The following RXRG variants were observed in gnomAD, a reference collection of about 807,000 sequenced individuals.
RXRG encodes retinoic acid receptor RXR-gamma.
Under a neutral mutation model 49.2 loss-of-function variants are expected in RXRG, and 19 were observed. That is an observed-to-expected ratio of 0.39 (90% CI 0.27 to 0.57). The LOEUF (loss-of-function observed/expected upper bound fraction) is 0.57. Among genes scored for constraint, RXRG ranks in the 20% least tolerant of loss-of-function variants. The pLI is 0.64. For synonymous variants in RXRG, 224 were observed against 216.6 expected (o/e 1.03, Z -0.30); for missense variants, 452 against 592.5 (o/e 0.76, Z 2.46).
rs1262135587 is a variant in RXRG at position 165,409,604 on chromosome 1, G to C, written c.1000C>G (p.His334Asp). 1 of 1,572,614 alleles carries C rather than the reference G, an allele frequency of 6.4e-7. No homozygotes were observed. The change falls in exon 7 of 10, where the codon CAC (histidine) becomes GAC (aspartate). Residue 334 changes from histidine to aspartate, a missense_variant. Coordinates refer to ENST00000359842, the MANE Select transcript of RXRG (RefSeq NM_006917.5). The stretch of plus-strand genomic sequence containing the variant: ...CCAGCACTGTGGGCACTGCTCCGGT[G>C]GACATGTAAACCCGTGGCCAGAAGG... The part of the protein sequence containing the change: ...GILLATGLHV[H>D]RSSAHSAGVG...
chr1:165,436,879 C>A (rs1658830882), intron 1 of RXRG: 3 of 1,095,416 alleles, frequency 2.7e-6, no homozygotes, highest in Admixed American at 9.1e-5. Flanking sequence ...AGATCAATCC[C>A]AAACTCCTGG....
chr1:165,408,645 G>T (rs147535512), intron 7 of RXRG, among the ~76,000 whole-genome samples: 1 of 152,152 alleles, frequency 6.6e-6, no homozygotes, highest in Non-Finnish European at 1.5e-5. Context: ...AATTAGAAAC[G>T]CAACAGGCAC....
intron 6 of RXRG, among the ~76,000 whole-genome samples, chr1:165,410,026 G>C (rs1011461569): frequency 6.6e-6 from 1 of 152,114 alleles, no homozygotes; most frequent in Non-Finnish European, 1.5e-5. Flanking sequence ...TGCCATGGTG[G>C]ATAAAGCTAA....
At position 165,419,934 on chromosome 1, in the gene RXRG, G is replaced by A. The variant is rs1168957429; in HGVS notation, c.378C>T (p.Tyr126=). ...CCAGAGATCCGGGGCTGGTGGATGG[G>A]TAGTTCATGTTTCCAATCCCGGGAA... The part of the protein sequence containing the change: ...PGLPGIGNMN[Y]PSTSPGSLVK... Residue 126 remains tyrosine (Y), a synonymous_variant, in exon 3 of 10, where the codon TAC becomes TAT. Transcript: ENST00000359842. The A allele has an allele frequency of 2.5e-6, 4 of 1,613,576 alleles. No homozygotes were observed. Among genetic ancestry groups the A allele is most frequent in the East Asian group, 4.5e-5 (2 of 44,864 alleles).
In RXRG at chr1:165,406,913, G is replaced by A; in HGVS notation, c.1143C>T (p.Ala381=). The change falls in exon 9 of 10, where the codon GCC becomes GCT. Residue 381 remains alanine, a synonymous_variant. Coordinates refer to ENST00000359842, the MANE Select transcript of RXRG (RefSeq NM_006917.5). ...LRAIVLFNPD[A]KGLSNPSEVE... is the part of the protein sequence containing the mutation. ...CCTCAGAGGGGTTGGACAGGCCCTT[G>A]GCATCTAAAAGACATGACTGAGTTA... is the stretch of plus-strand genomic sequence containing the variant. The A allele has an allele frequency of 6.2e-7, 1 of 1,612,154 alleles. No individual in the cohort carries two copies. The highest frequency in any genetic ancestry group is 2.2e-5 in the East Asian group (1 of 44,858).
At chr1:165,438,056 CT>C (rs1658867542) in intron 1 of RXRG, among the ~76,000 whole-genome samples, 1 of 152,166 alleles carries the variant, frequency 6.6e-6, no homozygotes, top group African/African-American at 2.4e-5. Context: ...TAATTTCCGC[CT>C]TACGGACTAC....
chr1:165,409,485 ATG>A (rs1557910912), intron 7 of RXRG, 71 bp downstream of exon 7: 3 of 1,208,614 alleles, frequency 2.5e-6, no homozygotes, highest in East Asian at 6.6e-5. Flanking sequence ...GTATGTACAC[ATG>A]TGTATACACA....
intron 3 of RXRG, among the ~76,000 whole-genome samples, chr1:165,419,396 CTT>C (rs565597851): frequency 6.8e-6 from 1 of 146,194 alleles, no homozygotes. Context: ...ATTCTTAATA[CTT>C]TTTTTTTTTT....
At chr1:165,402,080 T>C (rs567969125) in intron 9 of RXRG, among the ~76,000 whole-genome samples, 5 of 147,384 alleles carry the variant, frequency 3.4e-5, no homozygotes, top group African/African-American at 1.0e-4. Context: ...TTGTAACCAA[T>C]TGTTACCAAT....
chr1:165,430,987 A>G (rs535689418), intron 1 of RXRG, among the ~76,000 whole-genome samples: 1 of 152,286 alleles, frequency 6.6e-6, no homozygotes, highest in South Asian at 2.1e-4. Context: ...TTTATTTCCT[A>G]AAACTGTCTG....
At chr1:165,424,775 C>T (rs1057457897) in intron 2 of RXRG, 13 of 985,392 alleles carry the variant, frequency 1.3e-5, no homozygotes, top group African/African-American at 1.7e-5. Context: ...ACAGAATGAA[C>T]ATGCTTCCAT....
At chr1:165,406,594 C>T (rs1657757635) in intron 9 of RXRG, among the ~76,000 whole-genome samples, 1 of 152,186 alleles carries the variant, frequency 6.6e-6, no homozygotes, top group Non-Finnish European at 1.5e-5. Flanking sequence ...ATGTGTCGGG[C>T]ACTATTTTAC....
intron 1 of RXRG, among the ~76,000 whole-genome samples, chr1:165,433,866 T>C (rs1230508349): frequency 6.6e-6 from 1 of 152,170 alleles, no homozygotes; most frequent in African/African-American, 2.4e-5. Context: ...GCTAAGAGTG[T>C]CACCAGGAGC....
At chr1:165,408,131 T>G in intron 8 of RXRG, 96 bp downstream of exon 8, 2 of 917,492 alleles carry the variant, frequency 2.2e-6, no homozygotes, top group South Asian at 2.7e-5. Context: ...CATCTGTGTC[T>G]CAGCTGAGAT....
chr1:165,418,433 T>C (rs1156908175), intron 3 of RXRG, among the ~76,000 whole-genome samples: 2 of 152,256 alleles, frequency 1.3e-5, no homozygotes, highest in Non-Finnish European at 2.9e-5. Flanking sequence ...TAATATGTGA[T>C]GTCATTGAGT....
intron 2 of RXRG, among the ~76,000 whole-genome samples, chr1:165,421,531 T>C (rs77108103): frequency 5.4e-4 from 1 of 1,856 alleles, no homozygotes; most frequent in Non-Finnish European, 2.6e-3. Context: ...TGGCATTTCT[T>C]TTTTTTTTTT....
chr1:165,433,223 G>A (rs10918180), intron 1 of RXRG, among the ~76,000 whole-genome samples: 15 of 151,878 alleles, frequency 9.9e-5, no homozygotes, highest in African/African-American at 9.7e-5. Flanking sequence ...ACACGAACCC[G>A]CTCGTGCCTT....
chr1:165,411,862 T>G (rs1657962357), intron 4 of RXRG, among the ~76,000 whole-genome samples: 1 of 152,234 alleles, frequency 6.6e-6, no homozygotes, highest in African/African-American at 2.4e-5. Context: ...CCCCCTCCAA[T>G]TCTATGCTCT....
In RXRG at chr1:165,408,237, G is replaced by T; in HGVS notation, c.1128C>A (p.Leu376=). The change falls in exon 8 of 10, where the codon CTC becomes CTA. Residue 376 remains leucine (L), a synonymous_variant. Transcript: ENST00000359842. ...TTGAAGGGCGGTTACCTGGGTTAAAGAGTACAATGGCTCGCAGGCATCCCA... is the reference window on the plus strand; with the variant it reads ...TTGAAGGGCGGTTACCTGGGTTAAATAGTACAATGGCTCGCAGGCATCCCA... The part of the protein sequence containing the change: ...SELGCLRAIV[L]FNPDAKGLSN... 2.5e-6 allele frequency: 4 copies of T among 1,613,748 alleles called. No homozygotes were observed. Among genetic ancestry groups the T allele is most frequent in the Non-Finnish European group, 3.4e-6 (4 of 1,179,672 alleles).
Sources: gnomAD v4.1 joint callset for allele counts (sites outside exome capture counted in the v4.1 genomes callset) on GRCh38, gnomAD v4.1.1 for gene constraint, MANE v1.5 for transcripts, NCBI Gene and HGNC (gene_info 2026-07-23, HGNC 2026-07-21) for gene names.